The following TSHR variants were observed in gnomAD, a reference collection of about 807,000 sequenced individuals.
TSHR encodes thyrotropin receptor.
Under a neutral mutation model 64.1 loss-of-function variants are expected in TSHR, and 51 were observed. That is an observed-to-expected ratio of 0.80 (90% confidence interval 0.64 to 1.01). The LOEUF is 1.01. Among genes scored for constraint, TSHR ranks in the 50% least tolerant of loss-of-function variants. The probability of loss-of-function intolerance (pLI) is 0.00; values close to 1 mark genes in which losing one functional copy is unlikely to be tolerated. For missense variants in TSHR, 877 were observed against 942.8 expected (o/e 0.93, Z 0.91); for synonymous variants, 361 against 361.9 (o/e 1.00, Z 0.03).
At chr14:81,104,796 T>C (rs1346201008) in intron 7 of TSHR, 2 of 985,416 alleles carry the variant, frequency 2.0e-6, no homozygotes, top group East Asian at 1.1e-4. Context: ...CTTAACTCCA[T>C]GTATGGAAAT....
intron 1 of TSHR, among the ~76,000 whole-genome samples, chr14:81,017,093 T>G (rs1369304251): frequency 6.6e-6 from 1 of 152,170 alleles, no homozygotes; most frequent in East Asian, 1.9e-4. Flanking sequence ...GTTGCAATTT[T>G]TTGCATTTTT....
intron 1 of TSHR, among the ~76,000 whole-genome samples, chr14:81,025,171 G>A (rs1883980923): frequency 6.6e-6 from 1 of 151,978 alleles, no homozygotes; most frequent in Non-Finnish European, 1.5e-5. Flanking sequence ...TCTGTATTTG[G>A]GTTTGAAAGT....
intron 1 of TSHR, among the ~76,000 whole-genome samples, chr14:80,980,774 CT>C (rs1888125195): frequency 6.6e-6 from 1 of 152,042 alleles, no homozygotes; most frequent in African/African-American, 2.4e-5. Context: ...TCATTCTTGC[CT>C]TTTAACTTCT....
At chr14:80,967,457 G>T (rs953063695) in intron 1 of TSHR, among the ~76,000 whole-genome samples, 15 of 151,806 alleles carry the variant, frequency 9.9e-5, no homozygotes, top group African/African-American at 3.4e-4. Context: ...GATTATTTTT[G>T]TATTTTTAGT....
chr14:81,071,133 G>A (rs1237490352), intron 3 of TSHR, among the ~76,000 whole-genome samples: 1 of 152,120 alleles, frequency 6.6e-6, no homozygotes, highest in Non-Finnish European at 1.5e-5. Flanking sequence ...GAAAAATTGT[G>A]TTGTGATTTC....
At chr14:81,007,653 C>G (rs1290703376) in intron 1 of TSHR, among the ~76,000 whole-genome samples, 1 of 152,176 alleles carries the variant, frequency 6.6e-6, no homozygotes, top group Non-Finnish European at 1.5e-5. Flanking sequence ...TAATATTACT[C>G]TTTTCTCCTT....
chr14:81,031,730 C>T (rs890996713), intron 1 of TSHR, among the ~76,000 whole-genome samples: 1 of 152,154 alleles, frequency 6.6e-6, no homozygotes, highest in African/African-American at 2.4e-5. Flanking sequence ...AGCGCCAGAA[C>T]CAGCAAACTA....
At chr14:81,132,854 GA>G (rs5810012) in intron 8 of TSHR, among the ~76,000 whole-genome samples, 49,214 of 140,852 alleles carry the variant, frequency 0.35, 10,337 homozygotes, top group African/African-American at 0.61. Context: ...TTCTTACTCA[GA>G]AAAAAAAAAA....
At chr14:81,076,975 T>C (rs1485629375) in intron 3 of TSHR, among the ~76,000 whole-genome samples, 1 of 152,202 alleles carries the variant, frequency 6.6e-6, no homozygotes, top group Non-Finnish European at 1.5e-5. Flanking sequence ...GTCCAATATC[T>C]TTCTCACCTC....
intron 7 of TSHR, among the ~76,000 whole-genome samples, chr14:81,107,526 T>C (rs1011809713): frequency 6.6e-6 from 1 of 152,238 alleles, no homozygotes; most frequent in Non-Finnish European, 1.5e-5. Flanking sequence ...CTTTTATCCA[T>C]TTGGAGGGAA....
chr14:80,967,416 C>T (rs1428409341), intron 1 of TSHR, among the ~76,000 whole-genome samples: 1 of 151,400 alleles, frequency 6.6e-6, no homozygotes, highest in Non-Finnish European at 1.5e-5. Context: ...TCCCTAGAAG[C>T]TGGGATTACA....
chr14:81,108,684 C>T (rs1166380670), intron 8 of TSHR: 2 of 1,613,896 alleles, frequency 1.2e-6, no homozygotes, highest in Admixed American at 1.7e-5. Flanking sequence ...CATCATGATG[C>T]CTGCTAAGGC....
At position 81,091,207 on chromosome 14, in the gene TSHR, A is replaced by T; in HGVS notation, c.467+64A>T. The T allele has an allele frequency of 3.6e-6, 5 of 1,394,982 alleles. No homozygotes were observed. The South Asian group carries it at 5.8e-5, about 16-fold the overall frequency. The allele number at this position is 1,394,982 out of a possible 1,614,324, so 86.4% of individuals were successfully genotyped here. A position where few individuals can be genotyped will look rare whatever the true frequency, so the allele number is the denominator to read the frequency against. ...TTGTCACTGACAAGAACTAGAATAC[A>T]GTCATGAGGGTAGGTTGAAGATAAG... On this transcript the variant is annotated intron_variant, in intron 5 of 9. Coordinates refer to ENST00000298171, the MANE Select transcript of TSHR (RefSeq NM_000369.5).
intron 8 of TSHR, among the ~76,000 whole-genome samples, chr14:81,121,249 A>C (rs1890779485): frequency 6.6e-6 from 1 of 152,130 alleles, no homozygotes; most frequent in South Asian, 2.1e-4. Flanking sequence ...TAATAAATTA[A>C]AGGCGTCTAG....
chr14:81,108,494 C>CTTT, intron 8 of TSHR, 42 bp downstream of exon 8: 1 of 1,345,706 alleles, frequency 7.4e-7, no homozygotes. Context: ...CTTTTTTTTT[C>CTTT]TTTTTTTTTT....
At chr14:81,126,601 A>G (rs1320938457) in intron 8 of TSHR, among the ~76,000 whole-genome samples, 1 of 152,254 alleles carries the variant, frequency 6.6e-6, no homozygotes, top group Non-Finnish European at 1.5e-5. Context: ...AGAACATAAA[A>G]GAATTTTTGC....
intron 8 of TSHR, among the ~76,000 whole-genome samples, chr14:81,124,691 G>T (rs995551975): frequency 6.7e-6 from 1 of 148,574 alleles, no homozygotes; most frequent in Non-Finnish European, 1.5e-5. Flanking sequence ...TTTTATACTG[G>T]CCAATGCTTT....
chr14:81,073,022 ATATATAT>A (rs1387317649), intron 3 of TSHR, among the ~76,000 whole-genome samples: 338 of 20,176 alleles, frequency 0.017, 2 homozygotes, highest in Non-Finnish European at 0.023. Flanking sequence ...TAAAAAATAA[ATATATAT>A]ATATATATAT....
At chr14:80,968,495 C>T (rs1207797129) in intron 1 of TSHR, among the ~76,000 whole-genome samples, 1 of 152,038 alleles carries the variant, frequency 6.6e-6, no homozygotes, top group Non-Finnish European at 1.5e-5. Context: ...ATAAACTAGT[C>T]TGCCCTGCTG....
Sources: gnomAD v4.1 joint callset for allele counts (sites outside exome capture counted in the v4.1 genomes callset) on GRCh38, gnomAD v4.1.1 for gene constraint, MANE v1.5 for transcripts, NCBI Gene and HGNC (gene_info 2026-07-23, HGNC 2026-07-21) for gene names.